The following SAMD7 variants were observed in gnomAD, a reference collection of about 807,000 sequenced individuals.
SAMD7 encodes sterile alpha motif domain containing 7.
A neutral mutation model predicts 36.7 loss-of-function variants in SAMD7; 34 were observed. The observed-to-expected ratio is 0.93, with a 90% confidence interval of 0.71 to 1.23. The LOEUF (loss-of-function observed/expected upper bound fraction) is 1.23, where lower values mean the gene tolerates loss of function less well. Ranked by LOEUF, SAMD7 falls within the 50% of genes most tolerant of loss-of-function variation. SAMD7 has a pLI of 0.00. For synonymous variants in SAMD7, 188 were observed against 189.7 expected, an observed-to-expected ratio of 0.99 and a Z score of 0.07; for missense variants, 570 against 546.6, an observed-to-expected ratio of 1.04 and a Z score of -0.43.
At chr3:169,936,842 C>T (rs941802579) in intron 8 of SAMD7, among the ~76,000 whole-genome samples, 3 of 152,012 alleles carry the variant, frequency 2.0e-5, no homozygotes, top group East Asian at 1.9e-4. Flanking sequence ...CTGCCCTCCT[C>T]GCTCCGGGCC....
chr3:169,918,068 G>A (rs180680710), intron 2 of SAMD7, among the ~76,000 whole-genome samples: 46 of 152,236 alleles, frequency 3.0e-4, no homozygotes, highest in African/African-American at 1.1e-3. Context: ...CTCCCGAGTA[G>A]CTGGGATTAC....
At chr3:169,932,392 C>T (rs991807513) in intron 7 of SAMD7, 13 of 640,626 alleles carry the variant, frequency 2.0e-5, no homozygotes, top group Middle Eastern at 3.4e-4. Context: ...GTAGTATAGC[C>T]GAGACTATGT....
intron 7 of SAMD7, among the ~76,000 whole-genome samples, chr3:169,929,401 A>G (rs976476008): frequency 2.0e-5 from 3 of 152,200 alleles, no homozygotes; most frequent in African/African-American, 7.2e-5. Flanking sequence ...ATTAACTGAT[A>G]CTAGAGCTGA....
chr3:169,914,748 A>G (rs1712729264), intron 1 of SAMD7, among the ~76,000 whole-genome samples: 1 of 152,138 alleles, frequency 6.6e-6, no homozygotes, highest in African/African-American at 2.4e-5. Flanking sequence ...CTTATTTCAC[A>G]TAACTTGTGA....
chr3:169,915,082 G>A (rs1712740680), intron 1 of SAMD7, among the ~76,000 whole-genome samples: 1 of 152,148 alleles, frequency 6.6e-6, no homozygotes, highest in African/African-American at 2.4e-5. Context: ...TCTAGCTCAA[G>A]CATAATCCAT....
At position 169,926,941 on chromosome 3, in the gene SAMD7, C is replaced by G; in HGVS notation, c.679C>G (p.Pro227Ala). Reference sequence around the variant, plus strand: ...TGAAGAGGATCATTATGCAAAAGACCCAGACATTGAAGCACCCAGCAACCA... The same window carrying G: ...TGAAGAGGATCATTATGCAAAAGACGCAGACATTGAAGCACCCAGCAACCA... ...PYEEDHYAKD[P>A]DIEAPSNQKS... Residue 227 changes from proline (P) to alanine (A), a missense_variant, in exon 6 of 9, where the codon CCA becomes GCA. Transcript: ENST00000335556. The G allele has an allele frequency of 6.2e-7, 1 of 1,613,824 alleles. No homozygotes were observed. Among genetic ancestry groups the G allele is most frequent in the Non-Finnish European group, 8.5e-7 (1 of 1,179,964 alleles).
intron 5 of SAMD7, chr3:169,926,326 G>A (rs1246737346): frequency 3.6e-6 from 5 of 1,384,996 alleles, no homozygotes; most frequent in Non-Finnish European, 4.7e-6. Flanking sequence ...CTGTTTAAAG[G>A]TAACACTCTA....
chr3:169,913,951 T>C (rs1712700097), intron 1 of SAMD7, among the ~76,000 whole-genome samples: 1 of 152,182 alleles, frequency 6.6e-6, no homozygotes, highest in African/African-American at 2.4e-5. Context: ...AAAAGTATTC[T>C]GATTTTATTT....
intron 2 of SAMD7, among the ~76,000 whole-genome samples, chr3:169,918,002 A>G (rs1712885302): frequency 6.6e-6 from 1 of 151,470 alleles, no homozygotes; most frequent in Non-Finnish European, 1.5e-5. Flanking sequence ...CAGTGGCGCC[A>G]TCTCAGCTCA....
Position 169,938,708 on chromosome 3 carries a change from T to C in SAMD7, c.*202T>C. On this transcript the variant is annotated 3_prime_UTR_variant, in exon 9 of 9. Transcript: ENST00000335556. ...CCAGCACCAAATGACTGGAGACGCA[T>C]CCTTAGGAGCAAATGCTAATGAAGG... is the stretch of plus-strand genomic sequence containing the variant. The C allele has an allele frequency of 4.8e-6, 2 of 418,216 alleles. No individual in the cohort carries two copies. Among genetic ancestry groups the C allele is most frequent in the Non-Finnish European group, 8.4e-6 (2 of 238,236 alleles). 25.9% of individuals were successfully genotyped at this position (418,216 alleles called of 1,614,324 possible).
chr3:169,912,290 A>G (rs1308395129), intron 1 of SAMD7, among the ~76,000 whole-genome samples: 1 of 152,218 alleles, frequency 6.6e-6, no homozygotes, highest in Non-Finnish European at 1.5e-5. Flanking sequence ...ATGTCAGAGT[A>G]GAAAATTTCA....
At chr3:169,917,664 C>T (rs1466214906) in intron 2 of SAMD7, among the ~76,000 whole-genome samples, 7 of 93,884 alleles carry the variant, frequency 7.5e-5, no homozygotes, top group Admixed American at 1.1e-4. Context: ...TTTTTTGAGA[C>T]GGAGTCTCGC....
intron 1 of SAMD7, among the ~76,000 whole-genome samples, 155 bp from the exon 2 acceptor site, chr3:169,915,212 G>T (rs1409259935): frequency 7.2e-5 from 11 of 152,218 alleles, no homozygotes; most frequent in African/African-American, 2.7e-4. Context: ...GCTCCCAGCA[G>T]GGTTGAGCAC....
chr3:169,927,046 C>G lies in SAMD7; in HGVS notation c.784C>G (p.Pro262Ala), dbSNP rs759793349. 3.7e-6 allele frequency: 6 copies of G among 1,612,360 alleles called. No individual in the cohort carries two copies. The highest frequency in any genetic ancestry group is 1.7e-5 in the Admixed American group (1 of 59,558). ...AGAGCTCGAGCCCACCCATAGGAAA[C>G]CCTGGGGGTCTCACACCACTACCCT... The part of the protein sequence containing the change: ...CGELEPTHRK[P>A]WGSHTTTLKA... The change falls in exon 6 of 9, where the codon CCC (proline) becomes GCC (alanine). Residue 262 changes from proline (P) to alanine (A), a missense_variant. Physicochemically the swap from Pro to Ala is conservative, Grantham distance 27 (BLOSUM62 -1). Coordinates refer to ENST00000335556, the MANE Select transcript of SAMD7 (RefSeq NM_001304366.2).
At chr3:169,931,861 C>T (rs1228818305) in intron 7 of SAMD7, 4 of 197,622 alleles carry the variant, frequency 2.0e-5, no homozygotes, top group Non-Finnish European at 4.2e-5. Flanking sequence ...TAGGACGCAA[C>T]GGGAACTGTG....
At position 169,938,332 on chromosome 3, in the gene SAMD7, G is replaced by A. The variant is rs201261826; in HGVS notation, c.1167G>A (p.Val389=). 111 of 1,604,990 alleles carry A rather than the reference G, an allele frequency of 6.9e-5. No individual in the cohort carries two copies. In the East Asian group the frequency reaches 2.4e-3, roughly 35 times the overall value. Reference sequence around the variant, plus strand: ...TGTCTTAAAAGGTATCTCAGCATGTGGGAAGTATGTTCTACAAGAAAACTC... The same window carrying A: ...TGTCTTAAAAGGTATCTCAGCATGTAGGAAGTATGTTCTACAAGAAAACTC... ...LKIQSQVSQH[V]GSMFYKKTLS... The change falls in exon 9 of 9, where the codon GTG becomes GTA. Residue 389 remains valine, a synonymous_variant. Coordinates refer to ENST00000335556, the MANE Select transcript of SAMD7 (RefSeq NM_001304366.2).
rs1005671891 is a variant in SAMD7, at chr3:169,928,569, C to G, written c.1032C>G (p.Asp344Glu). The change falls in exon 7 of 9, where the codon GAC (aspartate) becomes GAG (glutamate). Residue 344 changes from aspartate to glutamate, a missense_variant. By Grantham distance (45) the Asp-to-Glu change is conservative. Transcript: ENST00000335556. ...TTCGCAGCCTTCCAGGTTGTTCAGA[C>G]TATGCTCAGGTGACTTAATGTTTAA... ...SFIRSLPGCS[D>E]YAQVFKDHAI... is the part of the protein sequence containing the mutation. 1 of 1,613,668 alleles carries G rather than the reference C, an allele frequency of 6.2e-7. No homozygotes were observed. The highest frequency in any genetic ancestry group is 8.5e-7 in the Non-Finnish European group (1 of 1,179,726).
At chr3:169,912,830 T>C (rs915481641) in intron 1 of SAMD7, among the ~76,000 whole-genome samples, 1 of 152,174 alleles carries the variant, frequency 6.6e-6, no homozygotes, top group African/African-American at 2.4e-5. Flanking sequence ...GCCAAGTGCT[T>C]CGGTATGAAC....
In SAMD7 at chr3:169,938,652, C is replaced by T; in HGVS notation, c.*146C>T. 1.7e-6 allele frequency: 1 copy of T among 574,254 alleles called. No homozygotes were observed. Among genetic ancestry groups the T allele is most frequent in the Non-Finnish European group, 3.0e-6 (1 of 333,978 alleles). 35.6% of individuals were successfully genotyped at this position (574,254 alleles called of 1,614,324 possible). On this transcript the variant is annotated 3_prime_UTR_variant, in exon 9 of 9. Transcript: ENST00000335556. ...GGGGCTTTCATGGAGGAGACTTGCC[C>T]AAGGGGCTTCCCTGCCAGGGCTGAA...
Sources: gnomAD v4.1 joint callset for allele counts (sites outside exome capture counted in the v4.1 genomes callset) on GRCh38, gnomAD v4.1.1 for gene constraint, MANE v1.5 for transcripts, NCBI Gene and HGNC (gene_info 2026-07-23, HGNC 2026-07-21) for gene names.